The following NUP88 variants were observed in gnomAD, a reference collection of about 807,000 sequenced individuals.
The protein encoded by NUP88 is nucleoporin 88, also known as nuclear pore complex protein Nup88.
A neutral mutation model predicts 93.9 loss-of-function variants in NUP88; 57 were observed. The observed-to-expected ratio is 0.61, with a 90% CI of 0.49 to 0.76. NUP88 has a LOEUF of 0.76. Ranked by LOEUF, NUP88 falls within the 30% of genes least tolerant of loss-of-function variation. The pLI is 0.00. For missense variants in NUP88, 911 were observed against 901.0 expected (o/e 1.01, Z -0.14); for synonymous variants, 346 against 336.8 (o/e 1.03, Z -0.30).
intron 9 of NUP88, among the ~76,000 whole-genome samples, chr17:5,393,259 C>T (rs12603096): frequency 0.12 from 18,465 of 150,242 alleles, 1,280 homozygotes; most frequent in East Asian, 0.24. Context: ...CTGGCCTCAC[C>T]TAGCTAATTT....
intron 4 of NUP88, 150 bp from the exon 5 acceptor site, chr17:5,409,059 G>T (rs923008030): frequency 2.4e-5 from 15 of 632,796 alleles, no homozygotes; most frequent in Middle Eastern, 3.9e-4. Context: ...GACAAAAAAT[G>T]ATTATGAAGA....
In NUP88 at chr17:5,416,661, G is replaced by A. The variant is rs772714757; in HGVS notation, c.319C>T (p.Pro107Ser). The A allele has an allele frequency of 1.9e-6, 3 of 1,607,738 alleles. No homozygotes were observed. Among genetic ancestry groups the A allele is most frequent in the South Asian group, 2.3e-5 (2 of 88,630 alleles). Residue 107 changes from proline (P) to serine (S), a missense_variant, in exon 2 of 17, where the codon CCC becomes TCC. Coordinates refer to ENST00000573584, the MANE Select transcript of NUP88 (RefSeq NM_002532.6). Reference sequence around the variant, plus strand: ...AAGACTTGATAGATTTCAAACAGGGGTGGATTTATGCAAAGCAATCTCTGA... The same window carrying A: ...AAGACTTGATAGATTTCAAACAGGGATGGATTTATGCAAAGCAATCTCTGA... ...QYQRLLCINP[P>S]LFEIYQVLLS... is the part of the protein sequence containing the mutation.
At chr17:5,411,580 CA>C (rs56658902) in intron 3 of NUP88, among the ~76,000 whole-genome samples, 49,168 of 110,102 alleles carry the variant, frequency 0.45, 8,893 homozygotes, top group East Asian at 0.81. Context: ...GACTCCATTT[CA>C]AAAAAAAAAA....
At chr17:5,403,988 A>G in intron 7 of NUP88, 111 bp downstream of exon 7, 1 of 1,161,672 alleles carries the variant, frequency 8.6e-7, no homozygotes, top group African/African-American at 1.6e-5. Context: ...AAACCCAGTC[A>G]ACTTTTTAAA....
intron 5 of NUP88, among the ~76,000 whole-genome samples, chr17:5,408,429 G>A (rs558668439): frequency 1.3e-4 from 20 of 152,282 alleles, no homozygotes; most frequent in East Asian, 7.7e-4. Context: ...CCACGCCTAC[G>A]TGGTGTCTTG....
chr17:5,401,023 C>T (rs1913126831), intron 7 of NUP88, among the ~76,000 whole-genome samples: 1 of 152,098 alleles, frequency 6.6e-6, no homozygotes, highest in Non-Finnish European at 1.5e-5. Flanking sequence ...AGATAAACTA[C>T]TGAATACCTA....
intron 8 of NUP88, among the ~76,000 whole-genome samples, chr17:5,395,588 G>A (rs993390783): frequency 3.9e-5 from 6 of 152,008 alleles, no homozygotes; most frequent in Admixed American, 2.6e-4. Context: ...GAGCGCAGTG[G>A]CCCAATCTCT....
rs553522883 is a variant in NUP88 at position 5,387,782 on chromosome 17, C to G, written c.1766G>C (p.Arg589Pro). 1.2e-6 allele frequency: 2 copies of G among 1,612,208 alleles called. No homozygotes were observed. The highest frequency in any genetic ancestry group is 1.1e-5 in the South Asian group (1 of 90,792). The change falls in exon 12 of 17, where the codon CGG becomes CCG. Residue 589 changes from arginine to proline, a missense_variant. Physicochemically the swap from Arg to Pro is moderately radical, Grantham distance 103. Transcript: ENST00000573584. ...KQDLAKEEIQ[R>P]RVKLLCDQKK... is the part of the protein sequence containing the mutation. The stretch of plus-strand genomic sequence containing the variant: ...TTGTGAACACAGGACATCATACCTC[C>G]GCTGAATCTCCTCCTTTGCCAAGTC...
chr17:5,398,370 A>G (rs1006656852), intron 8 of NUP88, among the ~76,000 whole-genome samples: 1 of 146,336 alleles, frequency 6.8e-6, no homozygotes, highest in Admixed American at 6.9e-5. Flanking sequence ...GCTCACTGCA[A>G]CTCCGCCTCC....
chr17:5,391,626 A>G lies in NUP88; in HGVS notation c.1419T>C (p.Pro473=). 1.2e-6 allele frequency: 2 copies of G among 1,614,118 alleles called. No homozygotes were observed. Among genetic ancestry groups the G allele is most frequent in the African/African-American group, 1.3e-5 (1 of 75,044 alleles). The change falls in exon 10 of 17, where the codon CCT becomes CCC. Residue 473 remains proline (P), a synonymous_variant. Coordinates refer to ENST00000573584, the MANE Select transcript of NUP88 (RefSeq NM_002532.6). ...AGATCATCGTGGGTCCCAGAATGTC[A>G]GGTACAATCCAAAATCCTCGAATTG... The part of the protein sequence containing the change: ...PAPIRGFWIV[P]DILGPTMICI...
At chr17:5,417,593 C>T (rs769416029) in intron 1 of NUP88, among the ~76,000 whole-genome samples, 6 of 152,256 alleles carry the variant, frequency 3.9e-5, no homozygotes, top group Admixed American at 2.0e-4. Context: ...AATGCCAGCA[C>T]TTTGGGAGGC....
At position 5,410,731 on chromosome 17, in the gene NUP88, C is replaced by T. The variant is rs201799531; in HGVS notation, c.652G>A (p.Glu218Lys). The T allele has an allele frequency of 7.4e-6, 12 of 1,611,746 alleles. No individual in the cohort carries two copies. Among genetic ancestry groups the T allele is most frequent in the East Asian group, 2.2e-5 (1 of 44,878 alleles). The stretch of plus-strand genomic sequence containing the variant: ...TTATTGAGTACTAGACTTTCCTCTT[C>T]GGCTTCTGAAAGTATTATCACGTTA... ...PTNVIILSEA[E>K]EESLVLNKGR... Residue 218 changes from glutamate to lysine, a missense_variant, in exon 4 of 17, where the codon GAA becomes AAA. By Grantham distance (56) the Glu-to-Lys change is moderately conservative. Transcript: ENST00000573584.
intron 3 of NUP88, among the ~76,000 whole-genome samples, chr17:5,412,593 G>A (rs1488744652): frequency 6.6e-6 from 1 of 152,058 alleles, no homozygotes; most frequent in Non-Finnish European, 1.5e-5. Context: ...GAGCCAATGG[G>A]AGCCAGAGCT....
chr17:5,418,549 G>A (rs530554156), intron 1 of NUP88, among the ~76,000 whole-genome samples: 7 of 152,312 alleles, frequency 4.6e-5, no homozygotes, highest in African/African-American at 1.4e-4. Context: ...ACCGCGCCCG[G>A]CCTTCATAAT....
At chr17:5,403,869 C>A (rs1806244) in intron 7 of NUP88, among the ~76,000 whole-genome samples, 3,406 of 152,232 alleles carry the variant, frequency 0.022, 51 homozygotes, top group Middle Eastern at 0.061. Context: ...GAAAAATTCA[C>A]TATTAGGAAT....
At position 5,388,738 on chromosome 17, in the gene NUP88, G is replaced by A. The variant is rs139177059; in HGVS notation, c.1643+64C>T. Reference sequence around the variant, plus strand: ...TGAAACAGATGAGGACAGAAAGGATGCACAGTAATTCTGAAGACAGAAGAG... The same window carrying A: ...TGAAACAGATGAGGACAGAAAGGATACACAGTAATTCTGAAGACAGAAGAG... On this transcript the variant is annotated intron_variant, in intron 11 of 16. Transcript: ENST00000573584. 2.3e-5 allele frequency: 32 copies of A among 1,389,406 alleles called. No homozygotes were observed. In the African/African-American group the frequency reaches 3.6e-4, roughly 16 times the overall value. 86.1% of individuals were successfully genotyped at this position (1,389,406 alleles called of 1,614,324 possible). A position where few individuals can be genotyped will look rare whatever the true frequency, so the allele number is the denominator to read the frequency against.
At chr17:5,393,562 G>A (rs1273173132) in intron 9 of NUP88, among the ~76,000 whole-genome samples, 2 of 150,334 alleles carry the variant, frequency 1.3e-5, no homozygotes, top group African/African-American at 2.5e-5. Context: ...TCAGCCTCCC[G>A]AGTAGCTGGG....
At position 5,386,997 on chromosome 17, in the gene NUP88, T is replaced by C. The variant is rs774821632; in HGVS notation, c.2030A>G (p.Asn677Ser). The change falls in exon 15 of 17, where the codon AAT (asparagine) becomes AGT (serine). Residue 677 changes from asparagine to serine, a missense_variant. Coordinates refer to ENST00000573584, the MANE Select transcript of NUP88 (RefSeq NM_002532.6). Reference protein sequence around the residue: ...LIPDQLRHLGNAIKQVTMKKD... With the variant: ...LIPDQLRHLGSAIKQVTMKKD... ...ATCTATTCCTACCTGTTTGATGGCA[T>C]TGCCCAAATGTCGAAGTTGATCAGG... The C allele has an allele frequency of 3.1e-5, 50 of 1,613,978 alleles. 1 individual carries two copies. The highest frequency in any genetic ancestry group is 4.5e-5 in the East Asian group (2 of 44,894).
intron 11 of NUP88, 198 bp from the exon 12 acceptor site, chr17:5,388,102 G>C (rs1264656665): frequency 1.2e-5 from 5 of 419,176 alleles, no homozygotes; most frequent in Admixed American, 1.1e-4. Flanking sequence ...CCAGGTTCGA[G>C]CAATTCTTCT....
Sources: gnomAD v4.1 joint callset for allele counts (sites outside exome capture counted in the v4.1 genomes callset) on GRCh38, gnomAD v4.1.1 for gene constraint, MANE v1.5 for transcripts, NCBI Gene and HGNC (gene_info 2026-07-23, HGNC 2026-07-21) for gene names.